The following OR3A3 variants were observed in gnomAD, a reference collection of about 807,000 sequenced individuals.
OR3A3 encodes olfactory receptor family 3 subfamily A member 3, also known as olfactory receptor 3A3.
For synonymous variants in OR3A3, 103 were observed against 163.9 expected (o/e 0.63, Z 2.84); for missense variants, 275 against 391.4 (o/e 0.70, Z 2.51).
At position 3,421,095 on chromosome 17, in the gene OR3A3, C is replaced by T. The variant is rs1490548977; in HGVS notation, c.510C>T (p.Asn170=). The T allele has an allele frequency of 1.9e-6, 3 of 1,614,200 alleles. No homozygotes were observed. The South Asian group carries it at 3.3e-5, about 18-fold the overall frequency. The stretch of plus-strand genomic sequence containing the variant: ...ACACTGTGGCCATGTCCACGCTCAA[C>T]TTCTGTGGCCCCAATGAGGTCAATC... Residue 170 remains asparagine (N), a synonymous_variant, in exon 3 of 3, where the codon AAC becomes AAT. Coordinates refer to ENST00000641141, the Ensembl canonical transcript of OR3A3.
chr17:3,420,929 G>T, exon 3 of OR3A3: 1 of 1,609,652 alleles, frequency 6.2e-7, no homozygotes, highest in Non-Finnish European at 8.5e-7. Context: ...GGGATGGACT[G>T]CTTCCTGCTG....
chr17:3,422,968 G>C (rs998664147), exon 3 of OR3A3: 3 of 152,340 alleles, frequency 2.0e-5, no homozygotes, highest in Admixed American at 2.0e-4. Context: ...TGAGAGAATG[G>C]GAAGAGAGAA....
Position 3,420,959 on chromosome 17 carries a change from G to A in OR3A3, c.374G>A (p.Arg125Gln), listed in dbSNP as rs747124017. ...CTGCTGACCGCCATGGCCTATGACC[G>A]ACTCCTGGCCATCTGCCAGCCCCTC... The change falls in exon 3 of 3, where the codon CGA becomes CAA. Residue 125 changes from arginine (R) to glutamine (Q), a missense_variant. By Grantham distance (43) the Arg-to-Gln change is conservative. Transcript: ENST00000641141. 374 of 1,612,012 alleles carry A rather than the reference G, an allele frequency of 2.3e-4. No homozygotes were observed. The highest frequency in any genetic ancestry group is 3.0e-4 in the Non-Finnish European group (349 of 1,179,484).
intron 2 of OR3A3, among the ~76,000 whole-genome samples, chr17:3,414,364 G>A (rs7215035): frequency 2.0e-5 from 3 of 152,368 alleles, no homozygotes; most frequent in Non-Finnish European, 4.4e-5. Flanking sequence ...AGCCACCATG[G>A]CCGGCCAGGA....
exon 3 of OR3A3, chr17:3,421,167 C>G: frequency 6.2e-7 from 1 of 1,614,226 alleles, no homozygotes; most frequent in South Asian, 1.1e-5. Context: ...CCTGCTCCAG[C>G]ACCCAACTCA....
chr17:3,423,898 A>G (rs1027338049), exon 3 of OR3A3: 1 of 147,922 alleles, frequency 6.8e-6, no homozygotes, highest in Admixed American at 7.1e-5. Context: ...GCGCCACTGC[A>G]CTCCCGCCTA....
rs370030568 is a variant in OR3A3 at position 3,420,451 on chromosome 17, G to A, written c.-6-129G>A. Reference sequence around the variant, plus strand: ...GCATCTCAACCAAGAGCAAGGTAAAGGCATTGAGGTGTTGGAGGAGTGAGG... The same window carrying A: ...GCATCTCAACCAAGAGCAAGGTAAAAGCATTGAGGTGTTGGAGGAGTGAGG... On this transcript the variant is annotated intron_variant, in intron 2 of 2. Transcript: ENST00000641141. 2.2e-5 allele frequency: 33 copies of A among 1,467,056 alleles called. No homozygotes were observed. In the African/African-American group the frequency reaches 2.8e-4, roughly 13 times the overall value. The allele number at this position is 1,467,056 out of a possible 1,614,324, so 90.9% of individuals were successfully genotyped here.
rs201506589 is a variant in OR3A3, at chr17:3,420,615, C to G, written c.30C>G (p.Thr10=). Residue 10 remains threonine (T), a synonymous_variant, in exon 3 of 3, where the codon ACC becomes ACG. Transcript: ENST00000641141. ...AGCCAGAAGCTGGGACCAATAGGAC[C>G]GCTGTTGCTGAGTTCATTCTACTGG... The G allele has an allele frequency of 3.3e-6, 5 of 1,518,070 alleles. No individual in the cohort carries two copies. In the African/African-American group the frequency reaches 7.0e-5, roughly 21 times the overall value. 94.0% of individuals were successfully genotyped at this position (1,518,070 alleles called of 1,614,324 possible). A position where few individuals can be genotyped will look rare whatever the true frequency, so the allele number is the denominator to read the frequency against.
chr17:3,421,224 C>A (rs1472355909), exon 3 of OR3A3: 1 of 1,614,194 alleles, frequency 6.2e-7, no homozygotes, highest in Non-Finnish European at 8.5e-7. Flanking sequence ...CTGTGGCACC[C>A]TTGGTCTTCA....
intron 2 of OR3A3, among the ~76,000 whole-genome samples, 193 bp downstream of exon 2, chr17:3,412,364 C>T (rs2072367102): frequency 1.4e-5 from 2 of 147,122 alleles, no homozygotes; most frequent in East Asian, 2.1e-4. Flanking sequence ...TCAGATGAAG[C>T]CTGCTGCCTG....
intron 2 of OR3A3, among the ~76,000 whole-genome samples, chr17:3,414,970 T>C (rs1282479745): frequency 6.6e-6 from 1 of 152,176 alleles, no homozygotes; most frequent in African/African-American, 2.4e-5. Context: ...TAAAACCCAT[T>C]ATATTACTAC....
At chr17:3,422,830 G>A (rs1408310754) in exon 3 of OR3A3, 1 of 152,366 alleles carries the variant, frequency 6.6e-6, no homozygotes, top group Non-Finnish European at 1.5e-5. Flanking sequence ...CAAGATGTGA[G>A]AGTGGGAGGT....
At chr17:3,419,796 C>T (rs368225610) in intron 2 of OR3A3, among the ~76,000 whole-genome samples, 7 of 143,054 alleles carry the variant, frequency 4.9e-5, no homozygotes, top group Middle Eastern at 4.0e-3. Context: ...TGCAGTGGCG[C>T]GATCTCGGCT....
chr17:3,418,847 A>G lies in OR3A3; in HGVS notation c.-6-1733A>G, dbSNP rs536527013. ...TTGTCTCTAGTCAATAAAGACATTG[A>G]TATTTTTTTGATTCAGAGTTTGACA... On this transcript the variant is annotated intron_variant, in intron 2 of 2. Coordinates refer to ENST00000641141, the Ensembl canonical transcript of OR3A3. Among the ~76,000 whole-genome samples, 139 of 152,270 alleles carry G rather than the reference A, an allele frequency of 9.1e-4. 1 individual carries two copies. Among genetic ancestry groups the G allele is most frequent in the African/African-American group, 2.6e-3 (110 of 41,550 alleles).
At chr17:3,422,354 C>T (rs1222501451) in exon 3 of OR3A3, 1 of 152,202 alleles carries the variant, frequency 6.6e-6, no homozygotes, top group Non-Finnish European at 1.5e-5. Context: ...CGGTATCTTT[C>T]TGTCTTATTT....
exon 3 of OR3A3, chr17:3,423,019 T>G (rs1322958550): frequency 6.6e-6 from 1 of 152,222 alleles, no homozygotes; most frequent in Non-Finnish European, 1.5e-5. Flanking sequence ...CCAGACACTT[T>G]AACGTTAAAG....
At chr17:3,420,703 G>T in exon 3 of OR3A3, 1 of 1,524,290 alleles carries the variant, frequency 6.6e-7, no homozygotes, top group Non-Finnish European at 8.9e-7. Flanking sequence ...TGCCTATCTG[G>T]TCACAACTGG....
At chr17:3,412,730 C>T (rs547436695) in intron 2 of OR3A3, among the ~76,000 whole-genome samples, 227 of 152,070 alleles carry the variant, frequency 1.5e-3, no homozygotes, top group Non-Finnish European at 2.9e-3. Flanking sequence ...CCATGACTTA[C>T]TTGTCTGTAA....
chr17:3,412,500 GC>G (rs1414751118), intron 2 of OR3A3, among the ~76,000 whole-genome samples: 5 of 147,560 alleles, frequency 3.4e-5, no homozygotes, highest in African/African-American at 1.2e-4. Flanking sequence ...TGAGGGATGG[GC>G]TGGAGTTCCA....
Sources: gnomAD v4.1 joint callset for allele counts (sites outside exome capture counted in the v4.1 genomes callset) on GRCh38, gnomAD v4.1.1 for gene constraint, MANE v1.5 for transcripts, NCBI Gene and HGNC (gene_info 2026-07-23, HGNC 2026-07-21) for gene names.